The following ATRNL1 variants were observed in gnomAD, a reference collection of about 807,000 sequenced individuals.
The protein encoded by ATRNL1 is attractin like 1, also known as attractin-like protein 1.
ATRNL1 carries 95 observed loss-of-function variants against 182.7 expected under a neutral mutation model. The observed-to-expected ratio is 0.52, with a 90% confidence interval of 0.44 to 0.62. The LOEUF (loss-of-function observed/expected upper bound fraction) is 0.62, where lower values mean the gene tolerates loss of function less well. Among genes scored for constraint, ATRNL1 ranks in the 20% least tolerant of loss-of-function variants. ATRNL1 has a pLI of 0.00. For missense variants in ATRNL1, 1,471 were observed against 1,679.5 expected (o/e 0.88, Z 2.17); for synonymous variants, 576 against 568.3 (o/e 1.01, Z -0.19).
At chr10:115,227,612 C>G (rs897661980) in intron 9 of ATRNL1, among the ~76,000 whole-genome samples, 14 of 152,110 alleles carry the variant, frequency 9.2e-5, no homozygotes, top group African/African-American at 3.4e-4. Flanking sequence ...GAGACATAGG[C>G]ACTTGTTTGT....
intron 27 of ATRNL1, among the ~76,000 whole-genome samples, chr10:115,743,356 A>G (rs1465730718): frequency 6.6e-6 from 1 of 151,822 alleles, no homozygotes; most frequent in Non-Finnish European, 1.5e-5. Flanking sequence ...AGCTGACTCC[A>G]CACAACATCC....
At chr10:115,429,822 C>A (rs1554963594) in intron 21 of ATRNL1, among the ~76,000 whole-genome samples, 1 of 152,110 alleles carries the variant, frequency 6.6e-6, no homozygotes, top group Admixed American at 6.6e-5. Flanking sequence ...AATCCCAGCA[C>A]TTTGGGAGGC....
intron 18 of ATRNL1, among the ~76,000 whole-genome samples, chr10:115,316,716 G>A (rs1854317853): frequency 6.6e-6 from 1 of 152,126 alleles, no homozygotes; most frequent in Admixed American, 6.5e-5. Context: ...GTCTTCTTTT[G>A]AGAAGTGTCT....
chr10:115,821,894 A>G (rs1950308296), intron 27 of ATRNL1, among the ~76,000 whole-genome samples: 1 of 152,202 alleles, frequency 6.6e-6, no homozygotes, highest in Admixed American at 6.5e-5. Flanking sequence ...TAACAAGGAT[A>G]TTCAGGACTT....
intron 28 of ATRNL1, among the ~76,000 whole-genome samples, chr10:115,902,845 C>A (rs1565473496): frequency 6.6e-6 from 1 of 152,166 alleles, no homozygotes; most frequent in East Asian, 1.9e-4. Context: ...CAGTGGAGTC[C>A]TGTGAGACCT....
intron 27 of ATRNL1, among the ~76,000 whole-genome samples, chr10:115,808,076 G>T (rs575730223): frequency 1.3e-5 from 2 of 152,096 alleles, no homozygotes; most frequent in Non-Finnish European, 2.9e-5. Context: ...TTCGCTGTGT[G>T]TATTATTCAC....
intron 5 of ATRNL1, among the ~76,000 whole-genome samples, chr10:115,135,163 A>G (rs1845446975): frequency 6.6e-6 from 1 of 152,092 alleles, no homozygotes; most frequent in Non-Finnish European, 1.5e-5. Flanking sequence ...CCTATTCAAC[A>G]TAGTGTTGGA....
chr10:115,540,875 G>A (rs1592820509), intron 25 of ATRNL1, among the ~76,000 whole-genome samples: 1 of 151,938 alleles, frequency 6.6e-6, no homozygotes, highest in Non-Finnish European at 1.5e-5. Flanking sequence ...ACTTTCATCA[G>A]GTACTAGATC....
At position 115,280,374 on chromosome 10, in the gene ATRNL1, G is replaced by A. The variant is rs540633000; in HGVS notation, c.2101-981G>A. Among the ~76,000 whole-genome samples, 9 of 152,018 alleles carry A rather than the reference G, an allele frequency of 5.9e-5. No homozygotes were observed. In the South Asian group the frequency reaches 1.5e-3, roughly 25 times the overall value. On this transcript the variant is annotated intron_variant, in intron 13 of 28. Transcript: ENST00000355044. ...TCATAATAAGCATGTTATCTTCCTG[G>A]GTATATATAAAAAATAAAAACAGAG...
At chr10:115,329,726 A>G (rs1397069841) in intron 18 of ATRNL1, among the ~76,000 whole-genome samples, 3 of 152,032 alleles carry the variant, frequency 2.0e-5, no homozygotes, top group South Asian at 2.1e-4. Context: ...TTTGCGTGCA[A>G]TATGTTTTTG....
At chr10:115,145,945 C>T (rs1554879243) in intron 5 of ATRNL1, among the ~76,000 whole-genome samples, 2 of 152,030 alleles carry the variant, frequency 1.3e-5, no homozygotes, top group Admixed American at 6.5e-5. Flanking sequence ...CATATTTTTT[C>T]AATACAGTCC....
chr10:115,366,959 C>G (rs1407067309), intron 19 of ATRNL1, among the ~76,000 whole-genome samples: 1 of 141,510 alleles, frequency 7.1e-6, no homozygotes, highest in East Asian at 2.0e-4. Flanking sequence ...ACATTTTTTC[C>G]TTCATTTCAA....
chr10:115,659,954 A>G (rs1860572299), intron 26 of ATRNL1, among the ~76,000 whole-genome samples: 2 of 152,226 alleles, frequency 1.3e-5, no homozygotes, highest in African/African-American at 2.4e-5. Context: ...TATAAAGGAC[A>G]TTGTAAACTG....
At chr10:115,343,693 T>G (rs1855851125) in intron 19 of ATRNL1, among the ~76,000 whole-genome samples, 1 of 152,136 alleles carries the variant, frequency 6.6e-6, no homozygotes, top group Non-Finnish European at 1.5e-5. Flanking sequence ...CTAATAGATG[T>G]TCTTCATTAT....
At chr10:115,707,529 A>G (rs577022216) in intron 26 of ATRNL1, among the ~76,000 whole-genome samples, 1 of 151,806 alleles carries the variant, frequency 6.6e-6, no homozygotes, top group Non-Finnish European at 1.5e-5. Flanking sequence ...CCCCAAGCCA[A>G]AGTAAACATT....
intron 10 of ATRNL1, among the ~76,000 whole-genome samples, chr10:115,258,196 A>G (rs1308539474): frequency 6.6e-6 from 1 of 152,178 alleles, no homozygotes; most frequent in African/African-American, 2.4e-5. Context: ...AATATCCTGC[A>G]GAGTGTTTTC....
chr10:115,449,683 C>T (rs1220586444), intron 21 of ATRNL1, among the ~76,000 whole-genome samples: 14 of 152,178 alleles, frequency 9.2e-5, no homozygotes, highest in Admixed American at 9.2e-4. Context: ...GTTGCTGCAC[C>T]TGCTCACTTG....
At chr10:115,258,381 C>A (rs1851248274) in intron 10 of ATRNL1, among the ~76,000 whole-genome samples, 1 of 151,964 alleles carries the variant, frequency 6.6e-6, no homozygotes, top group Non-Finnish European at 1.5e-5. Context: ...GTCACTGATA[C>A]CCTTTCTTCT....
intron 26 of ATRNL1, among the ~76,000 whole-genome samples, chr10:115,556,992 T>C (rs1489610973): frequency 6.6e-6 from 1 of 151,940 alleles, no homozygotes; most frequent in Non-Finnish European, 1.5e-5. Context: ...TGTTTATTAT[T>C]AAAGCCCTCA....
Sources: allele counts gnomAD v4.1 joint callset (sites outside exome capture counted in the v4.1 genomes callset), GRCh38; gene constraint gnomAD v4.1.1; transcripts MANE v1.5; gene names NCBI Gene and HGNC (gene_info 2026-07-23, HGNC 2026-07-21).